The following OFD1 variants were observed in gnomAD, a reference collection of about 807,000 sequenced individuals.
OFD1 encodes OFD1 centriole and centriolar satellite protein, also known as centriole and centriolar satellite protein OFD1.
OFD1 carries 12 observed loss-of-function variants against 81.4 expected under a neutral mutation model. That is an observed-to-expected ratio of 0.15 (90% CI 0.09 to 0.24). The LOEUF is 0.24. Ranked by LOEUF, OFD1 falls within the 10% of genes least tolerant of loss-of-function variation. OFD1 has a pLI of 1.00. For missense variants in OFD1, 685 were observed against 733.9 expected (o/e 0.93, Z 0.77); for synonymous variants, 256 against 263.7 (o/e 0.97, Z 0.28).
chrX:13,751,249 G>A lies in OFD1; in HGVS notation c.936G>A (p.Leu312=), dbSNP rs2047489190. ...ELKQRVEAFE[L]NQKLQEEKHK... is the part of the protein sequence containing the mutation. Reference sequence around the variant, plus strand: ...CTTTTTATATTTTTGTTAATTTCAGGAACCAGAAGCTCCAGGAAGAAAAAC... The same window carrying A: ...CTTTTTATATTTTTGTTAATTTCAGAAACCAGAAGCTCCAGGAAGAAAAAC... The change falls in exon 10 of 23, where the codon TTG becomes TTA. Residue 312 remains leucine, a splice_region_variant and synonymous_variant. Coordinates refer to ENST00000340096, the MANE Select transcript of OFD1 (RefSeq NM_003611.3). 1 of 1,206,394 alleles carries A rather than the reference G, an allele frequency of 8.3e-7. No homozygotes were observed. The highest frequency in any genetic ancestry group is 1.1e-6 in the Non-Finnish European group (1 of 892,114).
intron 9 of OFD1, among the ~76,000 whole-genome samples, chrX:13,750,887 T>G (rs1225413071): frequency 8.9e-6 from 1 of 112,701 alleles, no homozygotes; most frequent in Non-Finnish European, 1.9e-5. Context: ...TTTAAGCACA[T>G]AAGTACACTT....
intron 17 of OFD1, among the ~76,000 whole-genome samples, chrX:13,761,904 CTTT>C (rs747167069): frequency 2.0e-4 from 14 of 68,937 alleles, no homozygotes; most frequent in African/African-American, 4.7e-4. Flanking sequence ...AGTCCTAAAG[CTTT>C]TTTTTTTTTT....
rs2047811133 is a variant in OFD1, at chrX:13,758,726, T to A, written c.1654+278T>A. On this transcript the variant is annotated intron_variant, in intron 15 of 22. Coordinates refer to ENST00000340096, the MANE Select transcript of OFD1 (RefSeq NM_003611.3). ...GTAACATAGAAGTCCCCATATTCAT[T>A]ATAGGATTTCCTTTTTTATTTGTTA... Among the ~76,000 whole-genome samples the A allele has an allele frequency of 3.6e-5, 4 of 111,341 alleles. No homozygotes were observed. In the Admixed American group the frequency reaches 3.8e-4, roughly 11 times the overall value.
At chrX:13,741,663 AAG>A (rs2047110347) in intron 5 of OFD1, among the ~76,000 whole-genome samples, 1 of 112,194 alleles carries the variant, frequency 8.9e-6, no homozygotes, top group Admixed American at 9.5e-5. Flanking sequence ...TGAGTCCGAA[AAG>A]AGAGTCAGTG....
chrX:13,762,030 A>G (rs2047954747), intron 17 of OFD1, among the ~76,000 whole-genome samples: 1 of 107,644 alleles, frequency 9.3e-6, no homozygotes, highest in African/African-American at 3.4e-5. Context: ...TCATGCTGAT[A>G]GTGTGCAGAA....
At chrX:13,761,269 G>C (rs1310030826) in intron 17 of OFD1, 58 bp downstream of exon 17, 1 of 1,132,041 alleles carries the variant, frequency 8.8e-7, no homozygotes, top group Non-Finnish European at 1.2e-6. Context: ...TGCTCTGTCA[G>C]CCTTCACTTG....
chrX:13,754,288 A>G (rs1466988505), intron 11 of OFD1, among the ~76,000 whole-genome samples: 2 of 108,861 alleles, frequency 1.8e-5, no homozygotes, highest in Non-Finnish European at 3.8e-5. Context: ...ACCCATTTCA[A>G]TGTATTTCTA....
chrX:13,771,797 A>G (rs2048303365), downstream of OFD1: 1 of 112,548 alleles, frequency 8.9e-6, no homozygotes, highest in Non-Finnish European at 1.9e-5. Context: ...CTGAACATCA[A>G]ACTTTATTAT....
intron 8 of OFD1, among the ~76,000 whole-genome samples, chrX:13,749,037 C>A (rs1014200568): frequency 4.6e-4 from 50 of 107,651 alleles, no homozygotes; most frequent in African/African-American, 1.7e-3. Flanking sequence ...TGGGAGGACC[C>A]CTTGAGCTTG....
chrX:13,741,389 A>G (rs1242016784), intron 5 of OFD1, among the ~76,000 whole-genome samples: 1 of 112,064 alleles, frequency 8.9e-6, no homozygotes, highest in Non-Finnish European at 1.9e-5. Context: ...AACAGAAAAC[A>G]TGTAGGAAGA....
chrX:13,723,657 A>G, the OFD1 span, among the ~76,000 whole-genome samples: 1 of 111,527 alleles, frequency 9.0e-6, no homozygotes, highest in Non-Finnish European at 1.9e-5. Flanking sequence ...GGGGCCTTTG[A>G]AGCATCTCCA....
chrX:13,763,850 A>G lies in OFD1; in HGVS notation c.2594A>G (p.His865Arg). 2 of 1,198,374 alleles carry G rather than the reference A, an allele frequency of 1.7e-6. No individual in the cohort carries two copies. The highest frequency in any genetic ancestry group is 1.7e-5 in the African/African-American group (1 of 57,506). The change falls in exon 19 of 23, where the codon CAC (histidine) becomes CGC (arginine). Residue 865 changes from histidine to arginine, a missense_variant. Coordinates refer to ENST00000340096, the MANE Select transcript of OFD1 (RefSeq NM_003611.3). ...GCTGCTGTGCCCCTCTCATATCAGC[A>G]CCCAAGTAAGTTCTTTTTTTGAACT... ...AAAAVPLSYQ[H>R]PSVDQKQIEE... is the part of the protein sequence containing the mutation.
At chrX:13,753,473 T>G in intron 11 of OFD1, 32 bp downstream of exon 11, 1 of 1,197,061 alleles carries the variant, frequency 8.4e-7, no homozygotes, top group Non-Finnish European at 1.1e-6. Context: ...AGCTGTATTT[T>G]TCAGTTCTGC....
downstream of OFD1, chrX:13,771,878 A>G (rs1413109869): frequency 8.9e-6 from 1 of 112,627 alleles, no homozygotes; most frequent in African/African-American, 3.2e-5. Context: ...TAAGTATTCA[A>G]GTCTATAAAA....
At chrX:13,756,167 T>G (rs971269316) in intron 12 of OFD1, among the ~76,000 whole-genome samples, 5 of 110,606 alleles carry the variant, frequency 4.5e-5, no homozygotes, top group Non-Finnish European at 9.4e-5. Context: ...TTGCCCAGGG[T>G]GGTCTCGAAC....
chrX:13,760,086 T>G (rs1428117442), intron 15 of OFD1, 29 bp from the exon 16 acceptor site: 1 of 1,209,582 alleles, frequency 8.3e-7, no homozygotes, highest in East Asian at 3.0e-5. Context: ...GTCCACTTAC[T>G]TCTGAAATTG....
chrX:13,755,946 CTTTTTT>C (rs34300430), intron 12 of OFD1, among the ~76,000 whole-genome samples: 2 of 65,098 alleles, frequency 3.1e-5, no homozygotes. Context: ...CTTTCTTTCC[CTTTTTT>C]TTTTTTTTTT....
At chrX:13,734,098 C>T (rs2046748112), upstream of OFD1, 2 of 513,919 alleles carry the variant, frequency 3.9e-6, no homozygotes, top group Non-Finnish European at 7.0e-6. Context: ...CTCTGTGGAT[C>T]TCAACCCGGA....
intron 3 of OFD1, among the ~76,000 whole-genome samples, chrX:13,738,287 A>C (rs145519790): frequency 0.011 from 1,233 of 112,948 alleles, 21 homozygotes; most frequent in African/African-American, 0.038. Context: ...CTAATGTAAA[A>C]TGCCCATGCA....
Sources: allele counts gnomAD v4.1 joint callset (sites outside exome capture counted in the v4.1 genomes callset), GRCh38; gene constraint gnomAD v4.1.1; transcripts MANE v1.5; gene names NCBI Gene and HGNC (gene_info 2026-07-23, HGNC 2026-07-21).